ZNF423: variants seen among roughly 807,000 people sequenced by gnomAD.
The protein encoded by ZNF423 is Ebf-associated zinc finger protein.
Under a neutral mutation model 95.8 loss-of-function variants are expected in ZNF423, and 12 were observed. The ratio of observed to expected loss-of-function variants is 0.13; its 90% CI spans 0.08 to 0.20. The LOEUF is 0.20. Among genes scored for constraint, ZNF423 ranks in the 10% least tolerant of loss-of-function variants. The pLI is 1.00. For synonymous variants in ZNF423, 749 were observed against 711.9 expected (o/e 1.05, Z -0.83); for missense variants, 1,316 against 1,737.1 (o/e 0.76, Z 4.31).
chr16:49,780,247 C>T (rs536951000), intron 2 of ZNF423, among the ~76,000 whole-genome samples: 6 of 152,308 alleles, frequency 3.9e-5, no homozygotes, highest in South Asian at 4.1e-4. Context: ...GGCATGTCGA[C>T]GAGGAAGCCA....
At chr16:49,524,696 C>T (rs925834985) in intron 6 of ZNF423, among the ~76,000 whole-genome samples, 8 of 152,234 alleles carry the variant, frequency 5.3e-5, no homozygotes, top group African/African-American at 1.9e-4. Context: ...ACCCTCCTGC[C>T]AGGCGTCCTC....
At chr16:49,704,699 G>A (rs1039879458) in intron 3 of ZNF423, among the ~76,000 whole-genome samples, 4 of 152,166 alleles carry the variant, frequency 2.6e-5, no homozygotes, top group Non-Finnish European at 4.4e-5. Flanking sequence ...ATCACACACA[G>A]AGGACAGAAT....
At position 49,813,819 on chromosome 16, in the gene ZNF423, G is replaced by A. The variant is rs927165771; in HGVS notation, c.41-24273C>T. On this transcript the variant is annotated intron_variant, in intron 1 of 7. Coordinates refer to ENST00000563137, the MANE Select transcript of ZNF423 (RefSeq NM_001379286.1). ...GACAGCAGCTGAGACCATGGAGATG[G>A]TCCTGCCATTGCAGCTGACTCAGAA... Among the ~76,000 whole-genome samples the A allele has an allele frequency of 2.0e-5, 3 of 152,226 alleles. No homozygotes were observed. The East Asian group carries it at 5.8e-4, about 29-fold the overall frequency.
At chr16:49,771,229 C>T (rs1300614759) in intron 2 of ZNF423, among the ~76,000 whole-genome samples, 1 of 113,150 alleles carries the variant, frequency 8.8e-6, no homozygotes, top group Non-Finnish European at 1.7e-5. Context: ...GAGTCTCACT[C>T]TCTCACTCTG....
rs2035359889 is a variant in ZNF423, at chr16:49,855,786, C to CCGATCCAAGCGGCGGTCCCAGCGGCGCG, written c.-13_-12insCGCGCCGCTGGGACCGCCGCTTGGATCG. ...TTCCGCCTGGACATGTCCGGGGCTC[C>CCGATCCAAGCGGCGGTCCCAGCGGCGCG]GGGCGCTCCGTCGCCCTCCGCAGCC... On this transcript the variant is annotated 5_prime_UTR_variant, in exon 1 of 8. Transcript: ENST00000563137. This position sits in a 1 kb window ranked among gnomAD's most constrained non-coding sequence, Gnocchi z 4.7. 1 of 151,404 alleles carries CCGATCCAAGCGGCGGTCCCAGCGGCGCG rather than the reference C, an allele frequency of 6.6e-6. No homozygotes were observed. 9.4% of individuals were successfully genotyped at this position (151,404 alleles called of 1,614,324 possible). A position where few individuals can be genotyped will look rare whatever the true frequency, so the allele number is the denominator to read the frequency against.
chr16:49,714,628 A>G (rs923022443), intron 3 of ZNF423, among the ~76,000 whole-genome samples: 1 of 149,566 alleles, frequency 6.7e-6, no homozygotes, highest in African/African-American at 2.5e-5. Context: ...CCTGGGAGAA[A>G]AAAAAAAAAA....
chr16:49,737,853 A>G (rs555895385), intron 2 of ZNF423, among the ~76,000 whole-genome samples: 1 of 152,310 alleles, frequency 6.6e-6, no homozygotes, highest in Admixed American at 6.5e-5. Flanking sequence ...AAGGAAACTC[A>G]CCCAGAAGGA....
chr16:49,718,494 C>T (rs1177624751), intron 3 of ZNF423, among the ~76,000 whole-genome samples: 1 of 152,172 alleles, frequency 6.6e-6, no homozygotes, highest in Non-Finnish European at 1.5e-5. Flanking sequence ...GTTAAGTTTG[C>T]TTGTTCCTTT....
intron 2 of ZNF423, among the ~76,000 whole-genome samples, chr16:49,766,914 T>C (rs2033939558): frequency 6.6e-6 from 1 of 152,144 alleles, no homozygotes; most frequent in African/African-American, 2.4e-5. Flanking sequence ...GGATGCAAAC[T>C]TATGACCTGG....
intron 3 of ZNF423, among the ~76,000 whole-genome samples, chr16:49,692,608 GC>G: frequency 6.6e-6 from 1 of 152,354 alleles, no homozygotes; most frequent in East Asian, 1.9e-4. Context: ...AGGCACAGAA[GC>G]CAAGGGAACA....
At chr16:49,815,879 AAAATATAT>A (rs1314544512) in intron 1 of ZNF423, among the ~76,000 whole-genome samples, 1,227 of 59,122 alleles carry the variant, frequency 0.021, 18 homozygotes, top group Non-Finnish European at 0.028. Context: ...ACAAAAAAAA[AAAATATAT>A]ATATATATAT....
intron 5 of ZNF423, among the ~76,000 whole-genome samples, chr16:49,534,654 C>A (rs900251519): frequency 6.6e-6 from 1 of 152,176 alleles, no homozygotes; most frequent in Non-Finnish European, 1.5e-5. Context: ...GGCAATAGAA[C>A]CCTGCTCCTC....
chr16:49,843,001 G>C, intron 1 of ZNF423, among the ~76,000 whole-genome samples: 1 of 149,184 alleles, frequency 6.7e-6, no homozygotes, highest in African/African-American at 2.5e-5. Context: ...AAAGGAAAAA[G>C]AAAAAACAAA....
intron 5 of ZNF423, among the ~76,000 whole-genome samples, chr16:49,608,937 A>G (rs1567501027): frequency 6.6e-6 from 1 of 152,142 alleles, no homozygotes; most frequent in Non-Finnish European, 1.5e-5. Flanking sequence ...ATGTGGCATC[A>G]GAGAAACCCT....
chr16:49,730,410 C>T (rs1423701667), intron 3 of ZNF423, among the ~76,000 whole-genome samples: 1 of 152,164 alleles, frequency 6.6e-6, no homozygotes, highest in Non-Finnish European at 1.5e-5. Flanking sequence ...TGCAGCTTTC[C>T]ACACTTAAGC....
chr16:49,532,009 A>G (rs1426686367), intron 5 of ZNF423, among the ~76,000 whole-genome samples: 1 of 152,164 alleles, frequency 6.6e-6, no homozygotes, highest in African/African-American at 2.4e-5. Flanking sequence ...GGACGCTGAT[A>G]TTGTTGGAAT....
rs1354286493 is a variant in ZNF423 at position 49,635,387 on chromosome 16, G to C, written c.3516+273C>G. Among the ~76,000 whole-genome samples the C allele has an allele frequency of 3.3e-5, 5 of 152,228 alleles. No homozygotes were observed. The highest frequency in any genetic ancestry group is 6.5e-5 in the Admixed American group (1 of 15,286). On this transcript the variant is annotated intron_variant, in intron 4 of 7. Transcript: ENST00000563137. This position sits in a 1 kb window ranked among gnomAD's most constrained non-coding sequence, Gnocchi z 4.8. ...CCTCGGCCTCTTACAACAATTCTCT[G>C]AGGTTGGGACAATTATTATTCCCAT...
In ZNF423 at chr16:49,672,479, C is replaced by A. The variant is rs185397350; in HGVS notation, c.302-33605G>T. ...GCCTGGAGGGTCTGCACTCTCCATC[C>A]CCAGGGTGTCCCATAGTTGACCAAA... On this transcript the variant is annotated intron_variant, in intron 3 of 7. Coordinates refer to ENST00000563137, the MANE Select transcript of ZNF423 (RefSeq NM_001379286.1). 5.4e-4 allele frequency among the ~76,000 whole-genome samples: 77 copies of A among 141,626 alleles called. 1 individual carries two copies. The East Asian group carries it at 0.013, about 24-fold the overall frequency. The allele number at this position is 141,626 out of a possible 152,430, so 92.9% of individuals were successfully genotyped here. A position where few individuals can be genotyped will look rare whatever the true frequency, so the allele number is the denominator to read the frequency against.
At chr16:49,809,940 C>G (rs1437296891) in intron 1 of ZNF423, among the ~76,000 whole-genome samples, 1 of 152,136 alleles carries the variant, frequency 6.6e-6, no homozygotes, top group Non-Finnish European at 1.5e-5. Context: ...TGCGCCCACC[C>G]ATTTTTTCCT....
Sources: allele counts gnomAD v4.1 joint callset (sites outside exome capture counted in the v4.1 genomes callset), GRCh38; gene constraint gnomAD v4.1.1; non-coding constraint Gnocchi (gnomAD v3.1); transcripts MANE v1.5; gene names NCBI Gene and HGNC (gene_info 2026-07-23, HGNC 2026-07-21).